Variants in ARID5A observed in about 807,000 individuals in gnomAD.
ARID5A encodes the protein AT-rich interactive domain-containing protein 5A.
In ARID5A, 14 loss-of-function variants were observed where a neutral mutation model predicts 30.5. The ratio of observed to expected loss-of-function variants is 0.46; its 90% CI spans 0.30 to 0.72. The LOEUF (loss-of-function observed/expected upper bound fraction) is 0.72, where lower values mean the gene tolerates loss of function less well. ARID5A is among the 30% of genes least tolerant of loss of function. The pLI is 0.07. For synonymous variants in ARID5A, 338 were observed against 340.4 expected, an observed-to-expected ratio of 0.99 and a Z score of 0.08; for missense variants, 669 against 786.2, an observed-to-expected ratio of 0.85 and a Z score of 1.78.
At position 96,537,238 on chromosome 2, in the gene ARID5A, C is replaced by T; in HGVS notation, c.4+408C>T. 6.0e-6 allele frequency: 1 copy of T among 167,380 alleles called. No homozygotes were observed. The highest frequency in any genetic ancestry group is 1.3e-5 in the Non-Finnish European group (1 of 78,072). 10.4% of individuals were successfully genotyped at this position (167,380 alleles called of 1,614,324 possible). On this transcript the variant is annotated intron_variant, in intron 1 of 6. Coordinates refer to ENST00000357485, the MANE Select transcript of ARID5A (RefSeq NM_212481.3). This position sits in a 1 kb window ranked among gnomAD's most constrained non-coding sequence, Gnocchi z 4.8. ...TCAGCTAATTTGTTGTGACAGCTGTCGGCAGCCGCCCCTCCGCCCCGTGAC... is the reference window on the plus strand; with the variant it reads ...TCAGCTAATTTGTTGTGACAGCTGTTGGCAGCCGCCCCTCCGCCCCGTGAC...
At chr2:96,541,156 G>C (rs2065838818) in intron 1 of ARID5A, among the ~76,000 whole-genome samples, 1 of 151,872 alleles carries the variant, frequency 6.6e-6, no homozygotes, top group Non-Finnish European at 1.5e-5. Flanking sequence ...TCCTGCCTCA[G>C]CCTCCTGAGT....
chr2:96,552,337 CTG>C lies in ARID5A; in HGVS notation c.*27_*28del. On this transcript the variant is annotated 3_prime_UTR_variant, in exon 7 of 7. Coordinates refer to ENST00000357485, the MANE Select transcript of ARID5A (RefSeq NM_212481.3). ...AGGCCAGCCCATGGTGTTGTGTACA[CTG>C]TGGAGTCGACAGGGGCCTACAACAG... 1 of 1,613,198 alleles carries C rather than the reference CTG, an allele frequency of 6.2e-7. No homozygotes were observed. The highest frequency in any genetic ancestry group is 8.5e-7 in the Non-Finnish European group (1 of 1,179,996).
In ARID5A at chr2:96,550,809, C is replaced by G; in HGVS notation, c.570+76C>G. 1 of 1,466,966 alleles carries G rather than the reference C, an allele frequency of 6.8e-7. No homozygotes were observed. Among genetic ancestry groups the G allele is most frequent in the Non-Finnish European group, 9.1e-7 (1 of 1,104,820 alleles). 90.9% of individuals were successfully genotyped at this position (1,466,966 alleles called of 1,614,324 possible). On this transcript the variant is annotated intron_variant, in intron 6 of 6. Transcript: ENST00000357485. The surrounding 1 kb of genome is among the most constrained non-coding windows in gnomAD (Gnocchi z 6.6). ...CCTACCCCACAACTCCCTGTGGCCG[C>G]GGAGCTGTCTGCTCAGAATACACAG...
At chr2:96,536,987 G>A (rs1385619081) in intron 1 of ARID5A, among the ~76,000 whole-genome samples, 157 bp downstream of exon 1, 2 of 152,072 alleles carry the variant, frequency 1.3e-5, no homozygotes, top group South Asian at 4.1e-4. Context: ...GGGCCAAGGG[G>A]AGCGAGCCCG....
Position 96,549,254 on chromosome 2 carries a change from T to G in ARID5A, c.121-67T>G. On this transcript the variant is annotated intron_variant, in intron 2 of 6. Coordinates refer to ENST00000357485, the MANE Select transcript of ARID5A (RefSeq NM_212481.3). This position sits in a 1 kb window ranked among gnomAD's most constrained non-coding sequence, Gnocchi z 6.1. ...CCTTATTCCTCCTGCAGCCAGTGGT[T>G]TCTGCACATCCCCAGCAGCCAGCCA... is the stretch of plus-strand genomic sequence containing the variant. 1 of 1,578,090 alleles carries G rather than the reference T, an allele frequency of 6.3e-7. No homozygotes were observed. Among genetic ancestry groups the G allele is most frequent in the Admixed American group, 1.8e-5 (1 of 55,116 alleles).
rs760637606 is a variant in ARID5A, at chr2:96,552,072, C to T, written c.1544C>T (p.Pro515Leu). 1.1e-5 allele frequency: 18 copies of T among 1,587,740 alleles called. No homozygotes were observed. The highest frequency in any genetic ancestry group is 7.0e-5 in the Admixed American group (4 of 57,452). Residue 515 changes from proline to leucine, a missense_variant, in exon 7 of 7, where the codon CCG becomes CTG. By Grantham distance (98) the Pro-to-Leu change is moderately conservative. Transcript: ENST00000357485. ...TGCCCGCTGAACTTCACTGGCACCCCGGGCCCCTTGAAGGGCCAGGCTGCA... is the reference window on the plus strand; with the variant it reads ...TGCCCGCTGAACTTCACTGGCACCCTGGGCCCCTTGAAGGGCCAGGCTGCA... ...LHCPLNFTGT[P>L]GPLKGQAALP...
chr2:96,551,436 G>A lies in ARID5A; in HGVS notation c.908G>A (p.Gly303Glu). 2 of 1,596,690 alleles carry A rather than the reference G, an allele frequency of 1.3e-6. No homozygotes were observed. The highest frequency in any genetic ancestry group is 1.7e-6 in the Non-Finnish European group (2 of 1,172,346). ...CCAGAGAGTCCCCAGAGCCCCAAAG[G>A]GCTGACTGAGAACTCCAGGCACCGG... ...HLPESPQSPK[G>E]LTENSRHRLT... is the part of the protein sequence containing the mutation. Residue 303 changes from glycine (G) to glutamate (E), a missense_variant, in exon 7 of 7, where the codon GGG becomes GAG. Gly to Glu is a moderately conservative substitution (Grantham distance 98, BLOSUM62 -2). Coordinates refer to ENST00000357485, the MANE Select transcript of ARID5A (RefSeq NM_212481.3).
chr2:96,541,141 G>C (rs953881709), intron 1 of ARID5A, among the ~76,000 whole-genome samples: 3 of 149,866 alleles, frequency 2.0e-5, no homozygotes, highest in African/African-American at 7.4e-5. Flanking sequence ...GGGTTCAAGC[G>C]ATTCTCCTGC....
chr2:96,547,232 C>T (rs954802964), intron 1 of ARID5A, among the ~76,000 whole-genome samples, 170 bp from the exon 2 acceptor site: 1 of 151,814 alleles, frequency 6.6e-6, no homozygotes, highest in South Asian at 2.1e-4. Flanking sequence ...CTCAGGTCAT[C>T]GCCTGCCTGG....
intron 1 of ARID5A, among the ~76,000 whole-genome samples, chr2:96,538,939 C>G (rs1464903686): frequency 2.0e-5 from 3 of 152,192 alleles, no homozygotes; most frequent in African/African-American, 7.2e-5. Flanking sequence ...GACCCTTAAA[C>G]TTGAGAGCTG....
At chr2:96,540,126 C>T (rs548312427) in intron 1 of ARID5A, among the ~76,000 whole-genome samples, 1 of 152,290 alleles carries the variant, frequency 6.6e-6, no homozygotes, top group South Asian at 2.1e-4. Flanking sequence ...TATGAGATGC[C>T]TAGCCCACAC....
Position 96,552,450 on chromosome 2 carries a change from A to G in ARID5A, c.*137A>G. The G allele has an allele frequency of 6.5e-7, 1 of 1,547,230 alleles. No individual in the cohort carries two copies. The highest frequency in any genetic ancestry group is 8.7e-7 in the Non-Finnish European group (1 of 1,148,956). On this transcript the variant is annotated 3_prime_UTR_variant, in exon 7 of 7. Coordinates refer to ENST00000357485, the MANE Select transcript of ARID5A (RefSeq NM_212481.3). Reference sequence around the variant, plus strand: ...GCCCCTGGCTGGGCAGCCTGGCACAAGTGAAGAAGAAGGCAGTGGGAAAAC... The same window carrying G: ...GCCCCTGGCTGGGCAGCCTGGCACAGGTGAAGAAGAAGGCAGTGGGAAAAC...
rs112756773 is a variant in ARID5A, at chr2:96,541,616, G to A, written c.4+4786G>A. On this transcript the variant is annotated intron_variant, in intron 1 of 6. Transcript: ENST00000357485. ...ACCAATGAGGGGAAAGTATGGCTAGGATCCCTATTTCATCCTGTATACTGG... is the reference window on the plus strand; with the variant it reads ...ACCAATGAGGGGAAAGTATGGCTAGAATCCCTATTTCATCCTGTATACTGG... Among the ~76,000 whole-genome samples, 467 of 152,308 alleles carry A rather than the reference G, an allele frequency of 3.1e-3. 1 individual carries two copies. Among genetic ancestry groups the A allele is most frequent in the Non-Finnish European group, 5.5e-3 (373 of 68,034 alleles).
rs545979595 is a variant in ARID5A, at chr2:96,538,876, G to A, written c.4+2046G>A. 5.3e-5 allele frequency among the ~76,000 whole-genome samples: 8 copies of A among 152,312 alleles called. No homozygotes were observed. In the East Asian group the frequency reaches 1.2e-3, roughly 22 times the overall value. On this transcript the variant is annotated intron_variant, in intron 1 of 6. Coordinates refer to ENST00000357485, the MANE Select transcript of ARID5A (RefSeq NM_212481.3). ...CCATCACACCCAGGGTGAGTGGGGC[G>A]GGCAGCAGAAAGATGGGGAGGGAGA...
chr2:96,550,314 C>T lies in ARID5A; in HGVS notation c.410+29C>T. 7.0e-7 allele frequency: 1 copy of T among 1,429,380 alleles called. No individual in the cohort carries two copies. Among genetic ancestry groups the T allele is most frequent in the African/African-American group, 1.5e-5 (1 of 67,758 alleles). 88.5% of individuals were successfully genotyped at this position (1,429,380 alleles called of 1,614,324 possible). On this transcript the variant is annotated intron_variant, in intron 5 of 6. Transcript: ENST00000357485. This position sits in a 1 kb window ranked among gnomAD's most constrained non-coding sequence, Gnocchi z 6.6. ...CGGCGGGGCGGGCCCGGGTGCTGGA[C>T]GCCGCCTACCCTGCGGGGCTTTGGC...
In ARID5A at chr2:96,549,457, A is replaced by G. The variant is rs2065987111; in HGVS notation, c.257A>G (p.Gln86Arg). The G allele has an allele frequency of 1.9e-6, 3 of 1,613,110 alleles. No homozygotes were observed. In the African/African-American group the frequency reaches 4.0e-5, roughly 22 times the overall value. Residue 86 changes from glutamine to arginine, a missense_variant and splice_region_variant, in exon 3 of 7, where the codon CAG (glutamine) becomes CGG (arginine). By Grantham distance (43) the Gln-to-Arg change is conservative (BLOSUM62 1). Around this residue, in one of 4 missense-constraint regions of ARID5A, gnomAD observed 64 missense variants for 119.7 expected, o/e 0.53. Coordinates refer to ENST00000357485, the MANE Select transcript of ARID5A (RefSeq NM_212481.3). The surrounding 1 kb of genome is among the most constrained non-coding windows in gnomAD (Gnocchi z 6.1). ...IERVPHLGFKQINLWKIYKAV... is the reference protein window; with the variant it reads ...IERVPHLGFKRINLWKIYKAV... ...AGGGTGCCCCATCTCGGCTTCAAGCAGAGTGCGTCCCTGGGGTGCAGGCAG... is the reference window on the plus strand; with the variant it reads ...AGGGTGCCCCATCTCGGCTTCAAGCGGAGTGCGTCCCTGGGGTGCAGGCAG...
At chr2:96,545,446 G>A (rs902216014) in intron 1 of ARID5A, among the ~76,000 whole-genome samples, 33 of 152,148 alleles carry the variant, frequency 2.2e-4, no homozygotes, top group Admixed American at 1.8e-3. Flanking sequence ...GTGAGCCACC[G>A]CGCCCATCCT....
Position 96,549,917 on chromosome 2 carries a change from G to A in ARID5A, c.312+112G>A. The A allele has an allele frequency of 4.6e-6, 7 of 1,534,862 alleles. No homozygotes were observed. The Middle Eastern group carries it at 5.6e-4, about 124-fold the overall frequency. On this transcript the variant is annotated intron_variant, in intron 4 of 6. Transcript: ENST00000357485. This position sits in a 1 kb window ranked among gnomAD's most constrained non-coding sequence, Gnocchi z 6.1. ...AGCCAGGATCCCCAGTCCTACCCCT[G>A]CGTCCCTGCCTCCCTGCCTTCCCCG...
Position 96,551,609 on chromosome 2 carries a change from G to A in ARID5A, c.1081G>A (p.Asp361Asn). The change falls in exon 7 of 7, where the codon GAC (aspartate) becomes AAC (asparagine). Residue 361 changes from aspartate (D) to asparagine (N), a missense_variant. Asp to Asn is a conservative substitution (Grantham distance 23). Coordinates refer to ENST00000357485, the MANE Select transcript of ARID5A (RefSeq NM_212481.3). ...VLKPVSQHPRDFFSRLKDGVL... is the reference protein window; with the variant it reads ...VLKPVSQHPRNFFSRLKDGVL... Reference sequence around the variant, plus strand: ...GAAGCCTGTCAGCCAGCACCCCAGGGACTTCTTCTCTAGACTTAAAGATGG... The same window carrying A: ...GAAGCCTGTCAGCCAGCACCCCAGGAACTTCTTCTCTAGACTTAAAGATGG... 1 of 1,558,376 alleles carries A rather than the reference G, an allele frequency of 6.4e-7. No homozygotes were observed. Among genetic ancestry groups the A allele is most frequent in the Non-Finnish European group, 8.6e-7 (1 of 1,157,374 alleles).
Sources: allele counts gnomAD v4.1 joint callset (sites outside exome capture counted in the v4.1 genomes callset), GRCh38; gene constraint gnomAD v4.1.1; regional missense constraint gnomAD v4.1.1; non-coding constraint Gnocchi (gnomAD v3.1); transcripts MANE v1.5; gene names NCBI Gene and HGNC (gene_info 2026-07-23, HGNC 2026-07-21).